The following MCF2L2 variants were observed in gnomAD, a reference collection of about 807,000 sequenced individuals.
The protein encoded by MCF2L2 is MCF.2 cell line derived transforming sequence-like 2, also known as probable guanine nucleotide exchange factor MCF2L2.
In MCF2L2, 102 loss-of-function variants were observed where a neutral mutation model predicts 150.2. The ratio of observed to expected loss-of-function variants is 0.68; its 90% confidence interval spans 0.58 to 0.80. The LOEUF (loss-of-function observed/expected upper bound fraction) is 0.80. Among genes scored for constraint, MCF2L2 ranks in the 30% least tolerant of loss-of-function variants. The probability of loss-of-function intolerance (pLI) is 0.00; values close to 1 mark genes in which losing one functional copy is unlikely to be tolerated. For synonymous variants in MCF2L2, 465 were observed against 491.3 expected, an observed-to-expected ratio of 0.95 and a Z score of 0.71; for missense variants, 1,256 against 1,372.8, an observed-to-expected ratio of 0.91 and a Z score of 1.34.
rs1168968412 is a variant in MCF2L2, at chr3:183,351,214, ATATATATATATATATATATATATT to A, written c.276-9608_276-9585del. Among the ~76,000 whole-genome samples, 28 of 88,762 alleles carry A rather than the reference ATATATATATATATATATATATATT, an allele frequency of 3.2e-4. 1 individual carries two copies. The highest frequency in any genetic ancestry group is 1.0e-3 in the African/African-American group (18 of 17,194). 58.2% of individuals were successfully genotyped at this position (88,762 alleles called of 152,430 possible). On this transcript the variant is annotated intron_variant, in intron 3 of 29. Transcript: ENST00000328913. ...AGTATATATATATATATATATATAT[ATATATATATATATATATATATATT>A]TATTTATTTATTTATCAGAACCCCA...
intron 2 of MCF2L2, among the ~76,000 whole-genome samples, chr3:183,388,520 C>T (rs1037782201): frequency 6.6e-6 from 1 of 152,206 alleles, no homozygotes; most frequent in Non-Finnish European, 1.5e-5. Context: ...GGGAGACCAC[C>T]GGCCTCGCAG....
Position 183,216,067 on chromosome 3 carries a change from C to A in MCF2L2, c.2398G>T (p.Ala800Ser). The A allele has an allele frequency of 6.2e-7, 1 of 1,613,746 alleles. No individual in the cohort carries two copies. The highest frequency in any genetic ancestry group is 8.5e-7 in the Non-Finnish European group (1 of 1,179,812). Reference sequence around the variant, plus strand: ...GCTTGTTGTAGTTCAGTTGAGAATGCTGAATCTTTGGTTCTCTTTGGCCCA... The same window carrying A: ...GCTTGTTGTAGTTCAGTTGAGAATGATGAATCTTTGGTTCTCTTTGGCCCA... ...KDGPKRTKDSAFSTELQQALA... is the reference protein window; with the variant it reads ...KDGPKRTKDSSFSTELQQALA... The change falls in exon 22 of 30, where the codon GCA (alanine) becomes TCA (serine). Residue 800 changes from alanine (A) to serine (S), a missense_variant. Coordinates refer to ENST00000328913, the MANE Select transcript of MCF2L2 (RefSeq NM_015078.4).
chr3:183,279,215 GAT>G (rs1232489335), intron 14 of MCF2L2, among the ~76,000 whole-genome samples: 2 of 151,654 alleles, frequency 1.3e-5, no homozygotes, highest in African/African-American at 4.8e-5. Context: ...TAACTGATGA[GAT>G]ATCTTTTATT....
rs760065258 is a variant in MCF2L2, at chr3:183,224,195, G to A, written c.2116-5C>T. 4.0e-5 allele frequency: 63 copies of A among 1,594,916 alleles called. No homozygotes were observed. The Admixed American group carries it at 7.5e-4, about 19-fold the overall frequency. ...ATATATCTGAAGATCTTCTTTCTAG[G>A]TGGGAAAAAATTAGAATAAATTAAT... On this transcript the variant is annotated splice_region_variant and splice_polypyrimidine_tract_variant and intron_variant, in intron 18 of 29. Coordinates refer to ENST00000328913, the MANE Select transcript of MCF2L2 (RefSeq NM_015078.4).
chr3:183,315,353 C>T (rs4325943), intron 7 of MCF2L2, among the ~76,000 whole-genome samples: 42,439 of 151,998 alleles, frequency 0.28, 6,358 homozygotes, highest in East Asian at 0.47. Flanking sequence ...CAAATTAAAT[C>T]GCTTTGAGAA....
intron 14 of MCF2L2, chr3:183,287,442 T>C (rs1471997738): frequency 2.0e-5 from 3 of 152,218 alleles, no homozygotes; most frequent in African/African-American, 7.2e-5. Flanking sequence ...CCTTCAGAGA[T>C]GACATTCTCC....
At position 183,223,326 on chromosome 3, in the gene MCF2L2, C is replaced by G. The variant is rs1328414924; in HGVS notation, c.2301+20G>C. 6.3e-7 allele frequency: 1 copy of G among 1,584,746 alleles called. No homozygotes were observed. The highest frequency in any genetic ancestry group is 8.7e-7 in the Non-Finnish European group (1 of 1,153,220). On this transcript the variant is annotated intron_variant, in intron 20 of 29. Coordinates refer to ENST00000328913, the MANE Select transcript of MCF2L2 (RefSeq NM_015078.4). ...CGTCTGGTTTCCCACCAAGGAAAAGCACTGTCTCATTGATTTTACCTTCAA... is the reference window on the plus strand; with the variant it reads ...CGTCTGGTTTCCCACCAAGGAAAAGGACTGTCTCATTGATTTTACCTTCAA...
intron 7 of MCF2L2, among the ~76,000 whole-genome samples, chr3:183,314,118 A>G (rs1265694166): frequency 6.6e-6 from 1 of 152,214 alleles, no homozygotes; most frequent in African/African-American, 2.4e-5. Context: ...CTCAGATGAG[A>G]GTGAAATCAC....
At chr3:183,301,535 C>G (rs1728847702) in intron 10 of MCF2L2, among the ~76,000 whole-genome samples, 1 of 152,180 alleles carries the variant, frequency 6.6e-6, no homozygotes, top group African/African-American at 2.4e-5. Flanking sequence ...TGGCTCACGC[C>G]TGTAATCCTA....
chr3:183,337,875 CA>C (rs1039734489), intron 5 of MCF2L2, among the ~76,000 whole-genome samples: 8 of 152,144 alleles, frequency 5.3e-5, no homozygotes, highest in Admixed American at 4.6e-4. Context: ...TGCTCATTAC[CA>C]AATCCATTCC....
At chr3:183,294,326 A>ATGT (rs151081529) in intron 13 of MCF2L2, among the ~76,000 whole-genome samples, 3,008 of 152,040 alleles carry the variant, frequency 0.02, 59 homozygotes, top group East Asian at 0.051. Context: ...TGTTATTATT[A>ATGT]TGTTATTATT....
chr3:183,286,367 G>A (rs570578096), intron 14 of MCF2L2, among the ~76,000 whole-genome samples: 7 of 152,094 alleles, frequency 4.6e-5, no homozygotes, highest in Admixed American at 4.6e-4. Flanking sequence ...CTAGACCTAA[G>A]GCCAAAAGGA....
At position 183,276,873 on chromosome 3, in the gene MCF2L2, T is replaced by C. The variant is rs374060740; in HGVS notation, c.1861A>G (p.Arg621Gly). ...GCACCCACGGATGTGCAGTCTTACC[T>C]GCGGGGGGAAAGGTCTCCGAGCCTG... ...QARLGDLSPRRRIIRDLLETE... is the reference protein window; with the variant it reads ...QARLGDLSPRGRIIRDLLETE... Residue 621 changes from arginine (R) to glycine (G), a missense_variant and splice_region_variant, in exon 15 of 30, where the codon AGG (arginine) becomes GGG (glycine). Physicochemically the swap from Arg to Gly is moderately radical, Grantham distance 125 (BLOSUM62 -2). Coordinates refer to ENST00000328913, the MANE Select transcript of MCF2L2 (RefSeq NM_015078.4). The C allele has an allele frequency of 1.1e-5, 17 of 1,606,196 alleles. No homozygotes were observed. The Admixed American group carries it at 2.4e-4, about 22-fold the overall frequency.
rs117146648 is a variant in MCF2L2 at position 183,319,011 on chromosome 3, C to T, written c.604-794G>A. On this transcript the variant is annotated intron_variant, in intron 6 of 29. Coordinates refer to ENST00000328913, the MANE Select transcript of MCF2L2 (RefSeq NM_015078.4). ...AAGTAAGACAACAATGAAGTTGCCA[C>T]ATCAATTGACTTCCTTTCATGAAAG... Among the ~76,000 whole-genome samples, 68 of 152,316 alleles carry T rather than the reference C, an allele frequency of 4.5e-4. No individual in the cohort carries two copies. The East Asian group carries it at 0.011, about 25-fold the overall frequency.
At chr3:183,333,483 T>A (rs1365102906) in intron 5 of MCF2L2, among the ~76,000 whole-genome samples, 1 of 152,178 alleles carries the variant, frequency 6.6e-6, no homozygotes, top group Admixed American at 6.5e-5. Flanking sequence ...CTCCCAGCCA[T>A]CTAGGTGGAG....
intron 15 of MCF2L2, chr3:183,231,253 T>C (rs1385480444): frequency 1.6e-6 from 1 of 626,666 alleles, no homozygotes; most frequent in Admixed American, 2.1e-5. Flanking sequence ...GAACTCAAAA[T>C]CCTTTAGGCA....
At position 183,280,084 on chromosome 3, in the gene MCF2L2, C is replaced by T. The variant is rs187582695; in HGVS notation, c.1777-3127G>A. On this transcript the variant is annotated intron_variant, in intron 14 of 29. Coordinates refer to ENST00000328913, the MANE Select transcript of MCF2L2 (RefSeq NM_015078.4). Reference sequence around the variant, plus strand: ...CAGGGAACTGCTCTGGGTCCAACTCCCCTCACATAGCCCCAACCCCCATAT... The same window carrying T: ...CAGGGAACTGCTCTGGGTCCAACTCTCCTCACATAGCCCCAACCCCCATAT... Among the ~76,000 whole-genome samples the T allele has an allele frequency of 1.4e-4, 21 of 152,016 alleles. No homozygotes were observed. In the East Asian group the frequency reaches 3.3e-3, roughly 24 times the overall value.
At chr3:183,356,097 C>G (rs1042118270) in intron 3 of MCF2L2, among the ~76,000 whole-genome samples, 1 of 149,748 alleles carries the variant, frequency 6.7e-6, no homozygotes, top group Non-Finnish European at 1.5e-5. Context: ...CCTGAAGAAA[C>G]TTCAGACCAT....
At chr3:183,410,279 T>G (rs1023157406) in intron 1 of MCF2L2, among the ~76,000 whole-genome samples, 3 of 152,220 alleles carry the variant, frequency 2.0e-5, no homozygotes, top group Non-Finnish European at 1.5e-5. Flanking sequence ...GCACTATCTA[T>G]ATTGGCAATT....
Sources: allele counts gnomAD v4.1 joint callset (sites outside exome capture counted in the v4.1 genomes callset), GRCh38; gene constraint gnomAD v4.1.1; transcripts MANE v1.5; gene names NCBI Gene and HGNC (gene_info 2026-07-23, HGNC 2026-07-21).